Variants in ABCC6 observed in about 807,000 individuals in gnomAD.
The protein encoded by ABCC6 is ATP-binding cassette sub-family C member 6.
ABCC6 carries 126 observed loss-of-function variants against 169.5 expected under a neutral mutation model. The ratio of observed to expected loss-of-function variants is 0.74; its 90% CI spans 0.64 to 0.86. The LOEUF is 0.86. Among genes scored for constraint, ABCC6 ranks in the 40% least tolerant of loss-of-function variants. The probability of loss-of-function intolerance (pLI) is 0.00; values close to 1 mark genes in which losing one functional copy is unlikely to be tolerated. For synonymous variants in ABCC6, 752 were observed against 814.7 expected (o/e 0.92, Z 1.31); for missense variants, 1,733 against 1,927.2 (o/e 0.90, Z 1.89).
chr16:16,185,450 A>G (rs2047622767), intron 14 of ABCC6, among the ~76,000 whole-genome samples: 1 of 152,228 alleles, frequency 6.6e-6, no homozygotes, highest in Non-Finnish European at 1.5e-5. Flanking sequence ...GAAATAAATT[A>G]TCATCAAATC....
At chr16:16,165,248 A>G (rs1289449870) in intron 23 of ABCC6, among the ~76,000 whole-genome samples, 6 of 152,156 alleles carry the variant, frequency 3.9e-5, no homozygotes, top group African/African-American at 7.2e-5. Flanking sequence ...CTTGTCCTAC[A>G]AAAATAAATT....
chr16:16,208,744 G>T lies in ABCC6; in HGVS notation c.778C>A (p.Arg260Ser), dbSNP rs777365579. The change falls in exon 7 of 31, where the codon CGC becomes AGC. Residue 260 changes from arginine to serine, a missense_variant. By Grantham distance (110) the Arg-to-Ser change is moderately radical. This residue lies in a region of ABCC6 where 1,601 missense variants were observed against 1,635.5 expected (regional missense o/e 0.98). Coordinates refer to ENST00000205557, the MANE Select transcript of ABCC6 (RefSeq NM_001171.6). ...CCCACTTACCTCCGGGCTGCACTGCGGTTCCTCATCCACTCCTTTTCAAGC... is the reference window on the plus strand; with the variant it reads ...CCCACTTACCTCCGGGCTGCACTGCTGTTCCTCATCCACTCCTTTTCAAGC... ...SRLEKEWMRNRSAARRHNKAI... is the reference protein window; with the variant it reads ...SRLEKEWMRNSSAARRHNKAI... The T allele has an allele frequency of 2.2e-5, 36 of 1,613,364 alleles. No individual in the cohort carries two copies. The highest frequency in any genetic ancestry group is 1.1e-4 in the East Asian group (5 of 44,872).
At chr16:16,180,534 C>A (rs1416909004) in intron 17 of ABCC6, among the ~76,000 whole-genome samples, 1 of 152,032 alleles carries the variant, frequency 6.6e-6, no homozygotes, top group African/African-American at 2.4e-5. Context: ...ACTCTGACAC[C>A]CAGGCTGGAG....
Position 16,203,571 on chromosome 16 carries a change from G to A in ABCC6, c.837C>T (p.Gly279=). The change falls in exon 8 of 31, where the codon GGC becomes GGT. Residue 279 remains glycine, a synonymous_variant. Coordinates refer to ENST00000205557, the MANE Select transcript of ABCC6 (RefSeq NM_001171.6). The part of the protein sequence containing the change: ...AIAFKRKGGS[G]MKAPETEPFL... ...AGGGCTCGGTCTCTGGAGCCTTCAT[G>A]CCACTGCCGCCTTTCCTTTTAAATG... The A allele has an allele frequency of 1.2e-6, 2 of 1,614,040 alleles. No individual in the cohort carries two copies. The highest frequency in any genetic ancestry group is 1.7e-6 in the Non-Finnish European group (2 of 1,179,882).
intron 2 of ABCC6, chr16:16,221,339 T>G (rs944659924): frequency 1.1e-5 from 16 of 1,392,040 alleles, no homozygotes; most frequent in Middle Eastern, 2.6e-4. Flanking sequence ...AATTACCTTG[T>G]GTATCCAAGA....
At chr16:16,204,180 C>T (rs1405612786) in intron 7 of ABCC6, among the ~76,000 whole-genome samples, 4 of 151,938 alleles carry the variant, frequency 2.6e-5, no homozygotes, top group Non-Finnish European at 5.9e-5. Context: ...CTCAGCCTCT[C>T]GAGTAGCTGG....
chr16:16,197,360 T>C (rs2048073971), intron 10 of ABCC6, among the ~76,000 whole-genome samples: 1 of 151,986 alleles, frequency 6.6e-6, no homozygotes, highest in African/African-American at 2.4e-5. Flanking sequence ...TTGAGGACTT[T>C]TCCCATCGTA....
At chr16:16,176,088 G>C in intron 19 of ABCC6, 102 bp from the exon 20 acceptor site, 3 of 1,179,680 alleles carry the variant, frequency 2.5e-6, no homozygotes, top group Non-Finnish European at 3.8e-6. Flanking sequence ...CATTTCCCCT[G>C]ATCTGGCTCC....
chr16:16,177,556 C>G lies in ABCC6; in HGVS notation c.2486G>C (p.Gly829Ala). The stretch of plus-strand genomic sequence containing the variant: ...GTAGGAACCCATCTCTGCGATGGCC[C>G]CATTTGCCAGCACTATGATCCAATC... The part of the protein sequence containing the change: ...QADWIIVLAN[G>A]AIAEMGSYQE... The change falls in exon 19 of 31, where the codon GGG becomes GCG. Residue 829 changes from glycine to alanine, a missense_variant. Gly to Ala is a moderately conservative substitution (Grantham distance 60). Transcript: ENST00000205557. 1.2e-6 allele frequency: 2 copies of G among 1,614,212 alleles called. No homozygotes were observed. The highest frequency in any genetic ancestry group is 1.7e-6 in the Non-Finnish European group (2 of 1,180,038).
In ABCC6 at chr16:16,203,550, C is replaced by T; in HGVS notation, c.858G>A (p.Glu286=). ...GGCTCCCTTCTTGCCGTAGGAAGGG[C>T]TCGGTCTCTGGAGCCTTCATGCCAC... ...GGSGMKAPET[E]PFLRQEGSQW... The change falls in exon 8 of 31, where the codon GAG becomes GAA. Residue 286 remains glutamate (E), a synonymous_variant. Transcript: ENST00000205557. 2 of 1,614,036 alleles carry T rather than the reference C, an allele frequency of 1.2e-6. No homozygotes were observed. The highest frequency in any genetic ancestry group is 1.7e-6 in the Non-Finnish European group (2 of 1,179,876).
chr16:16,197,881 T>C, intron 10 of ABCC6, 140 bp downstream of exon 10: 3 of 1,020,722 alleles, frequency 2.9e-6, no homozygotes, highest in East Asian at 5.3e-5. Context: ...AGACTTGCCC[T>C]AACCCTGGGG....
rs1381725625 is a variant in ABCC6 at position 16,157,672 on chromosome 16, T to C, written c.3873A>G (p.Ala1291=). Reference sequence around the variant, plus strand: ...TGAGAGAACCACTCACCTTCTCTCCTGCGTGGATCTTGAAGGACACGCCCT... The same window carrying C: ...TGAGAGAACCACTCACCTTCTCTCCCGCGTGGATCTTGAAGGACACGCCCT... The part of the protein sequence containing the change: ...AVQGVSFKIH[A]GEKVGIVGRT... The change falls in exon 27 of 31, where the codon GCA becomes GCG. Residue 1291 remains alanine (A), a synonymous_variant. Transcript: ENST00000205557. The C allele has an allele frequency of 1.9e-6, 3 of 1,614,150 alleles. No individual in the cohort carries two copies. Among genetic ancestry groups the C allele is most frequent in the Non-Finnish European group, 2.5e-6 (3 of 1,180,014 alleles).
intron 26 of ABCC6, among the ~76,000 whole-genome samples, chr16:16,158,504 A>C (rs1465765533): frequency 6.6e-6 from 1 of 151,956 alleles, no homozygotes; most frequent in Non-Finnish European, 1.5e-5. Context: ...CATTCCATCC[A>C]TTCATCTGTC....
intron 9 of ABCC6, among the ~76,000 whole-genome samples, chr16:16,198,564 C>T (rs2048130309): frequency 1.3e-5 from 2 of 152,010 alleles, no homozygotes. Flanking sequence ...CCCTCTAATG[C>T]CAGGCCAGGT....
chr16:16,168,541 T>G (rs746573137), intron 22 of ABCC6, among the ~76,000 whole-genome samples: 1 of 152,014 alleles, frequency 6.6e-6, no homozygotes, highest in Non-Finnish European at 1.5e-5. Flanking sequence ...GCACTCCTGT[T>G]ACTCCCTTCA....
At chr16:16,163,597 G>T (rs990493297) in intron 23 of ABCC6, among the ~76,000 whole-genome samples, 20 of 152,138 alleles carry the variant, frequency 1.3e-4, no homozygotes, top group African/African-American at 4.6e-4. Flanking sequence ...GCTGGTCAGT[G>T]GGAGAACAAA....
intron 25 of ABCC6, among the ~76,000 whole-genome samples, chr16:16,161,110 C>T (rs965430761): frequency 6.6e-6 from 1 of 152,124 alleles, no homozygotes; most frequent in Non-Finnish European, 1.5e-5. Flanking sequence ...GTCTTCAAAA[C>T]AAAACAAAAG....
At chr16:16,194,048 G>C (rs913906178) in intron 10 of ABCC6, among the ~76,000 whole-genome samples, 3 of 152,180 alleles carry the variant, frequency 2.0e-5, no homozygotes, top group Non-Finnish European at 4.4e-5. Flanking sequence ...GCACACACAC[G>C]AGTGGGACTG....
chr16:16,169,598 C>T (rs1312004915), intron 22 of ABCC6, 48 bp downstream of exon 22: 12 of 1,601,850 alleles, frequency 7.5e-6, no homozygotes, highest in Non-Finnish European at 1.0e-5. Flanking sequence ...CTGAGCACCC[C>T]TTGGTGCAGC....
Sources: allele counts gnomAD v4.1 joint callset (sites outside exome capture counted in the v4.1 genomes callset), GRCh38; gene constraint gnomAD v4.1.1; regional missense constraint gnomAD v4.1.1; transcripts MANE v1.5; gene names NCBI Gene and HGNC (gene_info 2026-07-23, HGNC 2026-07-21).